Variants in FAM89A observed in about 807,000 individuals in gnomAD.
FAM89A encodes the protein protein FAM89A.
In FAM89A, 10 loss-of-function variants were observed where a neutral mutation model predicts 7.1. The observed-to-expected ratio is 1.40, with a 90% CI of 0.86 to 2.38. The LOEUF (loss-of-function observed/expected upper bound fraction) is 2.38, where lower values mean the gene tolerates loss of function less well. Ranked by LOEUF, FAM89A falls within the 30% of genes most tolerant of loss-of-function variation. The pLI is 0.00. For synonymous variants in FAM89A, 157 were observed against 129.3 expected (o/e 1.21, Z -1.45); for missense variants, 276 against 262.8 (o/e 1.05, Z -0.35).
intron 1 of FAM89A, among the ~76,000 whole-genome samples, chr1:231,037,971 C>G (rs1417767363): frequency 2.0e-5 from 3 of 152,172 alleles, no homozygotes; most frequent in Non-Finnish European, 4.4e-5. Flanking sequence ...TCAACACAAA[C>G]TATTTTGCAG....
Position 231,019,735 on chromosome 1 carries a change from G to T in FAM89A, c.*128C>A. ...AACTCCCTGCCTACAAATGAAACTG[G>T]TAGCGCTCATCCCCTGTGCCCGAGG... On this transcript the variant is annotated 3_prime_UTR_variant, in exon 2 of 2. Coordinates refer to ENST00000366654, the MANE Select transcript of FAM89A (RefSeq NM_198552.3). 1.0e-6 allele frequency: 1 copy of T among 1,003,210 alleles called. No individual in the cohort carries two copies. The highest frequency in any genetic ancestry group is 1.4e-6 in the Non-Finnish European group (1 of 690,986). The allele number at this position is 1,003,210 out of a possible 1,614,324, so 62.1% of individuals were successfully genotyped here.
intron 1 of FAM89A, among the ~76,000 whole-genome samples, chr1:231,039,652 G>A (rs1433770349): frequency 2.0e-5 from 3 of 152,166 alleles, no homozygotes; most frequent in Non-Finnish European, 4.4e-5. Context: ...GGGCGCCCAG[G>A]TTTCCGAGCC....
intron 1 of FAM89A, among the ~76,000 whole-genome samples, chr1:231,034,893 G>T (rs1055586906): frequency 1.3e-5 from 2 of 152,150 alleles, no homozygotes; most frequent in Non-Finnish European, 2.9e-5. Flanking sequence ...GGAGCTGGCG[G>T]TCCATCCTTT....
chr1:231,028,647 A>G (rs1680012947), intron 1 of FAM89A: 1 of 152,224 alleles, frequency 6.6e-6, no homozygotes, highest in South Asian at 2.1e-4. Flanking sequence ...GGCTCATTTA[A>G]GAAAAACATG....
intron 1 of FAM89A, among the ~76,000 whole-genome samples, chr1:231,031,420 T>C (rs570568294): frequency 1.3e-5 from 2 of 152,332 alleles, no homozygotes; most frequent in Admixed American, 6.5e-5. Flanking sequence ...TTAAAACCCA[T>C]CAGTCTTGCA....
intron 1 of FAM89A, among the ~76,000 whole-genome samples, chr1:231,025,494 A>C (rs1198503694): frequency 6.6e-6 from 1 of 152,150 alleles, no homozygotes; most frequent in Non-Finnish European, 1.5e-5. Flanking sequence ...TCAGGAGCAA[A>C]CTTTATTCAA....
intron 1 of FAM89A, among the ~76,000 whole-genome samples, chr1:231,035,316 AG>A (rs1680141715): frequency 6.6e-6 from 1 of 152,214 alleles, no homozygotes; most frequent in Non-Finnish European, 1.5e-5. Flanking sequence ...GGAATTCAAA[AG>A]TTCTGTGTGG....
At chr1:231,029,363 G>A (rs1392810180) in intron 1 of FAM89A, among the ~76,000 whole-genome samples, 10 of 151,882 alleles carry the variant, frequency 6.6e-5, no homozygotes, top group Non-Finnish European at 1.2e-4. Context: ...GTGGTGGTAC[G>A]TGCCTGTGGT....
At chr1:231,023,297 C>T (rs944443013) in intron 1 of FAM89A, among the ~76,000 whole-genome samples, 2 of 152,186 alleles carry the variant, frequency 1.3e-5, no homozygotes, top group African/African-American at 4.8e-5. Flanking sequence ...ACTGGTGAAA[C>T]AGGGGCCCAG....
In FAM89A at chr1:231,040,179, C is replaced by T; in HGVS notation, c.33G>A (p.Ala11=). The T allele has an allele frequency of 3.5e-6, 4 of 1,147,874 alleles. No homozygotes were observed. The highest frequency in any genetic ancestry group is 4.3e-6 in the Non-Finnish European group (4 of 937,138). 71.1% of individuals were successfully genotyped at this position (1,147,874 alleles called of 1,614,324 possible). A position where few individuals can be genotyped will look rare whatever the true frequency, so the allele number is the denominator to read the frequency against. The change falls in exon 1 of 2, where the codon GCG becomes GCA. Residue 11 remains alanine, a synonymous_variant. Coordinates refer to ENST00000366654, the MANE Select transcript of FAM89A (RefSeq NM_198552.3). MSGARAAPGA[A]GNGAVRGLRV... Reference sequence around the variant, plus strand: ...GCAGCCCCCGGACCGCGCCGTTGCCCGCGGCCCCGGGCGCCGCCCGGGCCC... The same window carrying T: ...GCAGCCCCCGGACCGCGCCGTTGCCTGCGGCCCCGGGCGCCGCCCGGGCCC...
At chr1:231,030,601 T>C (rs2103074334) in intron 1 of FAM89A, among the ~76,000 whole-genome samples, 1 of 152,322 alleles carries the variant, frequency 6.6e-6, no homozygotes, top group African/African-American at 2.4e-5. Flanking sequence ...ATTTTTTTTC[T>C]GATTATAAAA....
intron 1 of FAM89A, among the ~76,000 whole-genome samples, chr1:231,039,237 G>A (rs1369940584): frequency 2.6e-5 from 4 of 152,088 alleles, no homozygotes; most frequent in Non-Finnish European, 4.4e-5. Context: ...GACACAAGGC[G>A]AAGAACTCAC....
intron 1 of FAM89A, among the ~76,000 whole-genome samples, chr1:231,037,884 C>T (rs1199118966): frequency 1.3e-5 from 2 of 152,168 alleles, no homozygotes; most frequent in African/African-American, 4.8e-5. Context: ...TTCTTTAAGG[C>T]ATTTATCACA....
intron 1 of FAM89A, among the ~76,000 whole-genome samples, chr1:231,036,925 G>A (rs912643873): frequency 2.6e-5 from 4 of 152,206 alleles, no homozygotes; most frequent in African/African-American, 9.7e-5. Flanking sequence ...TGATTATTAA[G>A]CTTCAAAACC....
chr1:231,036,748 T>C (rs1237109373), intron 1 of FAM89A, among the ~76,000 whole-genome samples: 1 of 152,192 alleles, frequency 6.6e-6, no homozygotes, highest in Non-Finnish European at 1.5e-5. Context: ...AACCATCTCT[T>C]CTACTGGCTA....
chr1:231,036,537 A>G (rs1055250786), intron 1 of FAM89A, among the ~76,000 whole-genome samples: 13 of 152,070 alleles, frequency 8.5e-5, no homozygotes, highest in African/African-American at 3.1e-4. Flanking sequence ...AGGACTTACG[A>G]GTAGTGCAGA....
intron 1 of FAM89A, chr1:231,026,996 G>C (rs1679987038): frequency 6.6e-6 from 1 of 152,112 alleles, no homozygotes; most frequent in African/African-American, 2.4e-5. Context: ...TCTTACCCCA[G>C]GAATGAATAA....
At chr1:231,028,064 C>T (rs534721757) in intron 1 of FAM89A, among the ~76,000 whole-genome samples, 2 of 152,202 alleles carry the variant, frequency 1.3e-5, no homozygotes, top group East Asian at 1.9e-4. Context: ...TCAGTGAAAA[C>T]GCCTGGCTGC....
intron 1 of FAM89A, among the ~76,000 whole-genome samples, chr1:231,038,540 T>C (rs1378704476): frequency 4.6e-5 from 7 of 152,258 alleles, no homozygotes. Flanking sequence ...ATTTATCTAA[T>C]TAAAATGCAG....
Sources: gnomAD v4.1 joint callset for allele counts (sites outside exome capture counted in the v4.1 genomes callset) on GRCh38, gnomAD v4.1.1 for gene constraint, MANE v1.5 for transcripts, NCBI Gene and HGNC (gene_info 2026-07-23, HGNC 2026-07-21) for gene names.